Variants in RPRD1A observed in about 807,000 individuals in gnomAD.
RPRD1A encodes the protein regulation of nuclear pre-mRNA domain containing 1A.
Under a neutral mutation model 37.8 loss-of-function variants are expected in RPRD1A, and 9 were observed. That is an observed-to-expected ratio of 0.24 (90% CI 0.14 to 0.42). The LOEUF is 0.42. Ranked by LOEUF, RPRD1A falls within the 10% of genes least tolerant of loss-of-function variation. The pLI, the probability that RPRD1A is intolerant of heterozygous loss-of-function variation, is 1.00. For synonymous variants in RPRD1A, 138 were observed against 139.7 expected (o/e 0.99, Z 0.08); for missense variants, 255 against 371.0 (o/e 0.69, Z 2.57).
At chr18:36,036,109 T>G (rs1912176673) in intron 1 of RPRD1A, among the ~76,000 whole-genome samples, 1 of 152,148 alleles carries the variant, frequency 6.6e-6, no homozygotes, top group Non-Finnish European at 1.5e-5. Context: ...TTTTGTTTTT[T>G]TTGTTTGAGA....
chr18:36,003,256 GAACTT>G (rs1358691348), intron 6 of RPRD1A, among the ~76,000 whole-genome samples: 1 of 152,170 alleles, frequency 6.6e-6, no homozygotes, highest in Non-Finnish European at 1.5e-5. Flanking sequence ...TGATGAAACA[GAACTT>G]ATCTTCCACA....
chr18:36,002,892 G>C (rs566046708), intron 6 of RPRD1A, among the ~76,000 whole-genome samples: 5 of 152,274 alleles, frequency 3.3e-5, no homozygotes, highest in Admixed American at 3.3e-4. Context: ...AGAGGTAGAT[G>C]CCAGAGACTG....
At chr18:36,054,474 G>A (rs1192591758) in intron 1 of RPRD1A, among the ~76,000 whole-genome samples, 2 of 152,200 alleles carry the variant, frequency 1.3e-5, no homozygotes, top group Non-Finnish European at 2.9e-5. Context: ...CTGGGCAACA[G>A]AGCGAGACTC....
At chr18:36,063,530 G>T (rs1276965517) in intron 1 of RPRD1A, among the ~76,000 whole-genome samples, 1 of 152,138 alleles carries the variant, frequency 6.6e-6, no homozygotes, top group African/African-American at 2.4e-5. Context: ...CACACTTTGA[G>T]AAACTAAAGA....
At chr18:36,020,542 GAATT>G (rs1310502270) in intron 6 of RPRD1A, among the ~76,000 whole-genome samples, 3 of 152,148 alleles carry the variant, frequency 2.0e-5, no homozygotes, top group Non-Finnish European at 4.4e-5. Context: ...AAATTTATCA[GAATT>G]ATTAACGGAT....
chr18:36,036,808 AACAG>A (rs947374746), intron 1 of RPRD1A, among the ~76,000 whole-genome samples: 6 of 152,222 alleles, frequency 3.9e-5, no homozygotes, highest in Admixed American at 3.3e-4. Flanking sequence ...AGAAACAGTT[AACAG>A]AAAGGGAAAA....
chr18:36,010,402 A>C (rs940675426), intron 6 of RPRD1A, among the ~76,000 whole-genome samples: 12 of 152,156 alleles, frequency 7.9e-5, no homozygotes, highest in African/African-American at 2.7e-4. Context: ...CTGAGGTGGG[A>C]GGATTGCTTG....
intron 6 of RPRD1A, among the ~76,000 whole-genome samples, chr18:36,016,344 T>A (rs1598614192): frequency 1.3e-5 from 2 of 152,198 alleles, no homozygotes; most frequent in South Asian, 4.1e-4. Flanking sequence ...TGTCTTAGCC[T>A]CCCGAGCAGC....
intron 6 of RPRD1A, among the ~76,000 whole-genome samples, chr18:36,022,057 C>G (rs80236203): frequency 0.058 from 8,782 of 152,252 alleles, 294 homozygotes; most frequent in Non-Finnish European, 0.082. Context: ...AACAGCCTTA[C>G]TGGTGATATG....
chr18:36,064,427 GA>G (rs1445250438), intron 1 of RPRD1A: 6 of 152,422 alleles, frequency 3.9e-5, no homozygotes, highest in African/African-American at 1.4e-4. Flanking sequence ...TGGGGACTTG[GA>G]AAACTTTTCT....
At chr18:36,030,294 G>C (rs909799566) in intron 4 of RPRD1A, among the ~76,000 whole-genome samples, 1 of 146,680 alleles carries the variant, frequency 6.8e-6, no homozygotes, top group Non-Finnish European at 1.5e-5. Context: ...AGACCAGCCT[G>C]GCCAACATGG....
Position 36,052,568 on chromosome 18 carries a change from A to G in RPRD1A, c.151+14686T>C, listed in dbSNP as rs138922110. Among the ~76,000 whole-genome samples the G allele has an allele frequency of 1.1e-4, 17 of 152,154 alleles. 1 individual carries two copies. The highest frequency in any genetic ancestry group is 3.9e-4 in the African/African-American group (16 of 41,534). On this transcript the variant is annotated intron_variant, in intron 1 of 6. Transcript: ENST00000399022. ...GGCTATAGAAGAACAGAGTTTTTGT[A>G]TGCTATTGAAGATAAGTTGGTATCA... is the stretch of plus-strand genomic sequence containing the variant.
chr18:36,036,104 T>C (rs1034474076), intron 1 of RPRD1A, among the ~76,000 whole-genome samples: 2 of 150,666 alleles, frequency 1.3e-5, no homozygotes, highest in African/African-American at 4.9e-5. Context: ...AATGTTTTTG[T>C]TTTTTTTGTT....
intron 6 of RPRD1A, among the ~76,000 whole-genome samples, chr18:36,000,640 T>C (rs1332924027): frequency 6.6e-6 from 1 of 152,196 alleles, no homozygotes; most frequent in Non-Finnish European, 1.5e-5. Context: ...CCTAACCAAA[T>C]AGCTACTACA....
chr18:36,007,449 T>C (rs548194497), intron 6 of RPRD1A, among the ~76,000 whole-genome samples: 1 of 152,208 alleles, frequency 6.6e-6, no homozygotes, highest in Non-Finnish European at 1.5e-5. Flanking sequence ...AATTTTCTGA[T>C]TCAGAATTGG....
intron 6 of RPRD1A, among the ~76,000 whole-genome samples, chr18:36,013,079 A>G (rs966082554): frequency 2.0e-5 from 3 of 152,212 alleles, no homozygotes; most frequent in Non-Finnish European, 4.4e-5. Flanking sequence ...GCAAGGTCCC[A>G]GTCAGATCTG....
intron 1 of RPRD1A, among the ~76,000 whole-genome samples, chr18:36,050,235 A>T (rs1913280358): frequency 6.6e-6 from 1 of 151,768 alleles, no homozygotes; most frequent in Non-Finnish European, 1.5e-5. Context: ...AAATTCTGTT[A>T]TACATATTTA....
chr18:36,021,741 G>A (rs553353179), intron 6 of RPRD1A, among the ~76,000 whole-genome samples: 13 of 152,216 alleles, frequency 8.5e-5, no homozygotes, highest in Non-Finnish European at 1.3e-4. Context: ...GCTCATGCCT[G>A]TAATCTTAGC....
intron 1 of RPRD1A, among the ~76,000 whole-genome samples, chr18:36,038,869 T>G (rs1789502): frequency 6.6e-6 from 1 of 152,196 alleles, no homozygotes; most frequent in African/African-American, 2.4e-5. Context: ...CCTATACCCC[T>G]CTTGTTTTGG....
Sources: allele counts gnomAD v4.1 joint callset (sites outside exome capture counted in the v4.1 genomes callset), GRCh38; gene constraint gnomAD v4.1.1; transcripts MANE v1.5; gene names NCBI Gene and HGNC (gene_info 2026-07-23, HGNC 2026-07-21).